SPACA9: variants seen among roughly 807,000 people sequenced by gnomAD.
SPACA9 encodes the protein sperm acrosome associated 9, also known as sperm acrosome-associated protein 9.
SPACA9 carries 14 observed loss-of-function variants against 12.5 expected under a neutral mutation model. The observed-to-expected ratio is 1.12, with a 90% CI of 0.74 to 1.75. The LOEUF (loss-of-function observed/expected upper bound fraction) is 1.75, where lower values mean the gene tolerates loss of function less well. SPACA9 is among the 40% of genes most tolerant of loss of function. The pLI is 0.00. For missense variants in SPACA9, 292 were observed against 291.9 expected, an observed-to-expected ratio of 1.00 and a Z score of 0.00; for synonymous variants, 111 against 114.1, an observed-to-expected ratio of 0.97 and a Z score of 0.17.
downstream of SPACA9, chr9:132,890,178 G>C: frequency 2.6e-6 from 1 of 389,776 alleles, no homozygotes. Context: ...TCTCAAGTCG[G>C]CTTCTAAGAG....
chr9:132,882,989 G>C (rs1168289064), intron 1 of SPACA9, among the ~76,000 whole-genome samples: 1 of 152,140 alleles, frequency 6.6e-6, no homozygotes, highest in Non-Finnish European at 1.5e-5. Flanking sequence ...GTCCCTTCCA[G>C]CTCTAACATG....
Sources: allele counts gnomAD v4.1 joint callset (sites outside exome capture counted in the v4.1 genomes callset), GRCh38; gene constraint gnomAD v4.1.1; transcripts MANE v1.5; gene names NCBI Gene and HGNC (gene_info 2026-07-23, HGNC 2026-07-21).